Variants in MAGI2 observed in about 807,000 individuals in gnomAD.
MAGI2 encodes membrane associated guanylate kinase, WW and PDZ domain containing 2.
Under a neutral mutation model 133.3 loss-of-function variants are expected in MAGI2, and 35 were observed. That is an observed-to-expected ratio of 0.26 (90% CI 0.20 to 0.35). The LOEUF (loss-of-function observed/expected upper bound fraction) is 0.35, where lower values mean the gene tolerates loss of function less well. MAGI2 is among the 10% of genes least tolerant of loss of function. The pLI, the probability that MAGI2 is intolerant of heterozygous loss-of-function variation, is 1.00. For missense variants in MAGI2, 1,636 were observed against 1,863.4 expected (o/e 0.88, Z 2.25); for synonymous variants, 729 against 710.6 (o/e 1.03, Z -0.41).
At chr7:79,390,449 A>G (rs10231862) in intron 1 of MAGI2, among the ~76,000 whole-genome samples, 76,845 of 152,088 alleles carry the variant, frequency 0.51, 20,923 homozygotes, top group African/African-American at 0.71. Context: ...TTATATAGCA[A>G]TAGAAATAGA....
intron 2 of MAGI2, among the ~76,000 whole-genome samples, chr7:78,701,130 A>G (rs1162855224): frequency 6.6e-6 from 1 of 151,830 alleles, no homozygotes; most frequent in Non-Finnish European, 1.5e-5. Flanking sequence ...AAAATTTTAC[A>G]GTAAGAAAGA....
At chr7:78,658,802 T>A (rs2151034174) in intron 2 of MAGI2, among the ~76,000 whole-genome samples, 1 of 152,218 alleles carries the variant, frequency 6.6e-6, no homozygotes, top group African/African-American at 2.4e-5. Flanking sequence ...AAATAAAAAA[T>A]AGTGACAATG....
chr7:79,186,705 G>GTA (rs146881119), intron 1 of MAGI2, among the ~76,000 whole-genome samples: 30 of 127,594 alleles, frequency 2.4e-4, no homozygotes, highest in South Asian at 1.7e-3. Flanking sequence ...TTATACAAAA[G>GTA]TATATATATA....
At chr7:78,227,972 T>C (rs570109385) in intron 10 of MAGI2, among the ~76,000 whole-genome samples, 1 of 152,160 alleles carries the variant, frequency 6.6e-6, no homozygotes, top group African/African-American at 2.4e-5. Context: ...ACAGTAAATA[T>C]GTTAGGCTTT....
chr7:78,191,837 G>A lies in MAGI2; in HGVS notation c.2269+3037C>T, dbSNP rs568845335. Among the ~76,000 whole-genome samples the A allele has an allele frequency of 2.8e-4, 42 of 152,052 alleles. No individual in the cohort carries two copies. The South Asian group carries it at 7.0e-3, about 26-fold the overall frequency. ...TCACAGCTTTTTTTTTCAGGAATAC[G>A]TCTTTATTAAGATGTCCTGTGCATG... On this transcript the variant is annotated intron_variant, in intron 12 of 21. Coordinates refer to ENST00000354212, the MANE Select transcript of MAGI2 (RefSeq NM_012301.4).
chr7:79,401,199 A>AT (rs1845446620), intron 1 of MAGI2, among the ~76,000 whole-genome samples: 1 of 152,178 alleles, frequency 6.6e-6, no homozygotes, highest in Non-Finnish European at 1.5e-5. Context: ...AATAATGTTG[A>AT]TTTGTGTATA....
At chr7:78,836,114 T>A (rs1195898128) in intron 2 of MAGI2, among the ~76,000 whole-genome samples, 2 of 152,220 alleles carry the variant, frequency 1.3e-5, no homozygotes, top group Non-Finnish European at 2.9e-5. Context: ...TTTTAATAGA[T>A]GTGTTGGTAA....
At chr7:79,125,640 A>G in intron 1 of MAGI2, 1 of 524,076 alleles carries the variant, frequency 1.9e-6, no homozygotes, top group South Asian at 1.4e-5. Flanking sequence ...GAACTATGAT[A>G]ATTTTGGAAA....
intron 2 of MAGI2, among the ~76,000 whole-genome samples, chr7:78,743,923 C>T (rs1822670706): frequency 6.6e-6 from 1 of 152,062 alleles, no homozygotes; most frequent in Admixed American, 6.6e-5. Flanking sequence ...CTTTGAAGCC[C>T]CTAACTTCCT....
intron 2 of MAGI2, among the ~76,000 whole-genome samples, chr7:78,751,392 G>C (rs35473791): frequency 0.06 from 9,134 of 152,228 alleles, 367 homozygotes; most frequent in Non-Finnish European, 0.091. Context: ...TAATTGTATT[G>C]TTTAGAGAAG....
At chr7:78,607,290 C>A (rs947406619) in intron 3 of MAGI2, among the ~76,000 whole-genome samples, 1 of 151,748 alleles carries the variant, frequency 6.6e-6, no homozygotes, top group African/African-American at 2.4e-5. Context: ...ATAACTCTTG[C>A]CAGGGAATTT....
In MAGI2 at chr7:79,104,199, A is replaced by G. The variant is rs947255080; in HGVS notation, c.302-96993T>C. Among the ~76,000 whole-genome samples, 6 of 152,288 alleles carry G rather than the reference A, an allele frequency of 3.9e-5. No individual in the cohort carries two copies. The East Asian group carries it at 1.2e-3, about 29-fold the overall frequency. ...AAGTAAGGAGCCCCCTGTCATACTTAAGCCAAATTAAATACTTCTTCCTTC... is the reference window on the plus strand; with the variant it reads ...AAGTAAGGAGCCCCCTGTCATACTTGAGCCAAATTAAATACTTCTTCCTTC... On this transcript the variant is annotated intron_variant, in intron 1 of 21. Coordinates refer to ENST00000354212, the MANE Select transcript of MAGI2 (RefSeq NM_012301.4).
chr7:79,278,143 G>T (rs1835370726), intron 1 of MAGI2, among the ~76,000 whole-genome samples: 1 of 152,150 alleles, frequency 6.6e-6, no homozygotes, highest in Non-Finnish European at 1.5e-5. Flanking sequence ...CCTTGGTGAT[G>T]AGTGAGGTTT....
intron 2 of MAGI2, among the ~76,000 whole-genome samples, chr7:78,781,328 G>A (rs931433444): frequency 7.0e-6 from 1 of 143,200 alleles, no homozygotes; most frequent in African/African-American, 2.6e-5. Context: ...GCAGTGAGCC[G>A]AGATGTCACC....
chr7:78,865,035 A>G (rs112137915), intron 2 of MAGI2, among the ~76,000 whole-genome samples: 16 of 152,294 alleles, frequency 1.1e-4, no homozygotes, highest in African/African-American at 3.6e-4. Context: ...AGTATTGCTA[A>G]TCAGGGCCTA....
chr7:78,752,991 C>T (rs1823594654), intron 2 of MAGI2, among the ~76,000 whole-genome samples: 1 of 152,208 alleles, frequency 6.6e-6, no homozygotes, highest in South Asian at 2.1e-4. Flanking sequence ...ACATGTCACT[C>T]ATTTAGAAAT....
chr7:79,033,210 A>G (rs921624937), intron 1 of MAGI2, among the ~76,000 whole-genome samples: 1 of 152,178 alleles, frequency 6.6e-6, no homozygotes, highest in African/African-American at 2.4e-5. Flanking sequence ...TATACTGGAA[A>G]TTTCAGAAGG....
At position 78,255,970 on chromosome 7, in the gene MAGI2, C is replaced by T. The variant is rs1792926240; in HGVS notation, c.2020G>A (p.Glu674Lys). 6.2e-7 allele frequency: 1 copy of T among 1,613,844 alleles called. No individual in the cohort carries two copies. The highest frequency in any genetic ancestry group is 8.5e-7 in the Non-Finnish European group (1 of 1,179,936). Residue 674 changes from glutamate to lysine, a missense_variant, in exon 10 of 22, where the codon GAA becomes AAA. This residue lies in a region of MAGI2 where 920 missense variants were observed against 1,093.5 expected (regional missense o/e 0.84). Transcript: ENST00000354212. Reference sequence around the variant, plus strand: ...CCTCGATGGATAATCAAAGAAGTTTCACTTCCAATGGGACAGTCCTTAAGT... The same window carrying T: ...CCTCGATGGATAATCAAAGAAGTTTTACTTCCAATGGGACAGTCCTTAAGT... ...DILKDCPIGS[E>K]TSLIIHRGGF...
intron 1 of MAGI2, among the ~76,000 whole-genome samples, chr7:79,330,180 CTTTTTTTTTTTTTTT>C (rs544172383): frequency 5.1e-5 from 3 of 59,156 alleles, no homozygotes; most frequent in East Asian, 6.0e-4. Flanking sequence ...CAATCTGCAT[CTTTTTTTTTTTTTTT>C]TTTTTTTTTT....
Sources: allele counts gnomAD v4.1 joint callset (sites outside exome capture counted in the v4.1 genomes callset), GRCh38; gene constraint gnomAD v4.1.1; regional missense constraint gnomAD v4.1.1; transcripts MANE v1.5; gene names NCBI Gene and HGNC (gene_info 2026-07-23, HGNC 2026-07-21).